Variants in ADAM9 observed in about 807,000 individuals in gnomAD.
The protein encoded by ADAM9 is ADAM metallopeptidase domain 9.
ADAM9 carries 54 observed loss-of-function variants against 108.1 expected under a neutral mutation model. The ratio of observed to expected loss-of-function variants is 0.50; its 90% CI spans 0.40 to 0.63. The LOEUF (loss-of-function observed/expected upper bound fraction) is 0.63. Among genes scored for constraint, ADAM9 ranks in the 20% least tolerant of loss-of-function variants. ADAM9 has a pLI of 0.00. For missense variants in ADAM9, 830 were observed against 997.7 expected (o/e 0.83, Z 2.26); for synonymous variants, 316 against 336.0 (o/e 0.94, Z 0.65).
intron 18 of ADAM9, 113 bp from the exon 19 acceptor site, chr8:39,089,934 T>G: frequency 8.8e-7 from 1 of 1,131,124 alleles, no homozygotes; most frequent in Non-Finnish European, 1.3e-6. Context: ...ATTCAATTAA[T>G]ATCAGTTTGA....
chr8:39,065,982 A>G (rs182862012), intron 14 of ADAM9, among the ~76,000 whole-genome samples: 24 of 152,126 alleles, frequency 1.6e-4, no homozygotes, highest in East Asian at 3.9e-4. Context: ...ATTCCAACCT[A>G]TGAGTGAGAA....
At chr8:39,045,137 T>C (rs1221780956) in intron 12 of ADAM9, among the ~76,000 whole-genome samples, 1 of 111,764 alleles carries the variant, frequency 8.9e-6, no homozygotes, top group Non-Finnish European at 2.0e-5. Flanking sequence ...CATACATACA[T>C]ATATGTGTAT....
Position 39,012,755 on chromosome 8 carries a change from T to C in ADAM9, c.254+1039T>C, listed in dbSNP as rs533891956. On this transcript the variant is annotated intron_variant, in intron 3 of 21. Coordinates refer to ENST00000487273, the MANE Select transcript of ADAM9 (RefSeq NM_003816.3). ...GGTGGGAATTGAACAATGAGAACAC[T>C]TGGACACAGGAAGGGGAACATCACA... 9.3e-4 allele frequency among the ~76,000 whole-genome samples: 142 copies of C among 151,994 alleles called. 3 individuals carry two copies. In the South Asian group the frequency reaches 0.028, roughly 30 times the overall value.
chr8:39,030,665 A>C (rs1271793700), intron 11 of ADAM9, among the ~76,000 whole-genome samples: 2 of 150,824 alleles, frequency 1.3e-5, no homozygotes, highest in Non-Finnish European at 3.0e-5. Context: ...TTTTGTAAGA[A>C]ACTGCCAAAT....
Position 39,025,835 on chromosome 8 carries a change from C to T in ADAM9, c.947C>T (p.Ala316Val). 1 of 1,614,036 alleles carries T rather than the reference C, an allele frequency of 6.2e-7. No individual in the cohort carries two copies. The highest frequency in any genetic ancestry group is 1.1e-5 in the South Asian group (1 of 91,080). The change falls in exon 10 of 22, where the codon GCA becomes GTA. Residue 316 changes from alanine (A) to valine (V), a missense_variant. Around this residue, in one of 3 missense-constraint regions of ADAM9, gnomAD observed 381 missense variants for 539.8 expected, o/e 0.71. Coordinates refer to ENST00000487273, the MANE Select transcript of ADAM9 (RefSeq NM_003816.3). The part of the protein sequence containing the change: ...KKGFGGTAGM[A>V]FVGTVCSRSH... ...GGTTTTGGTGGAACTGCAGGAATGG[C>T]ATTTGTGGGAACAGTGTGTTCAAGG...
intron 14 of ADAM9, among the ~76,000 whole-genome samples, chr8:39,062,401 T>A (rs948671042): frequency 6.6e-6 from 1 of 152,240 alleles, no homozygotes; most frequent in Non-Finnish European, 1.5e-5. Flanking sequence ...CAAATTAGAC[T>A]TTTGTTTACT....
At chr8:39,020,057 G>A (rs1369646611) in intron 7 of ADAM9, among the ~76,000 whole-genome samples, 1 of 152,204 alleles carries the variant, frequency 6.6e-6, no homozygotes, top group African/African-American at 2.4e-5. Flanking sequence ...AGGCCGAGGC[G>A]GGCGGATCAC....
rs371815136 is a variant in ADAM9, at chr8:39,077,262, G to A, written c.1732G>A (p.Val578Ile). Residue 578 changes from valine (V) to isoleucine (I), a missense_variant, in exon 16 of 22, where the codon GTA (valine) becomes ATA (isoleucine). This residue lies in a region of ADAM9 where 381 missense variants were observed against 539.8 expected (regional missense o/e 0.71). Transcript: ENST00000487273. ...ALCGKLQCEN[V>I]QEIPVFGIVP... is the part of the protein sequence containing the mutation. ...GTGTGGAAAGCTTCAGTGTGAGAAT[G>A]TACAAGAGATACCTGTATTTGGAAT... 1 of 1,613,998 alleles carries A rather than the reference G, an allele frequency of 6.2e-7. No homozygotes were observed. The highest frequency in any genetic ancestry group is 1.3e-5 in the African/African-American group (1 of 74,916).
chr8:39,098,802 T>C (rs1460666588), intron 20 of ADAM9, among the ~76,000 whole-genome samples: 3 of 152,198 alleles, frequency 2.0e-5, no homozygotes, highest in African/African-American at 4.8e-5. Flanking sequence ...GCCCTTGTGA[T>C]GTTGATTGTA....
intron 20 of ADAM9, among the ~76,000 whole-genome samples, chr8:39,100,487 C>T (rs1377695497): frequency 1.3e-5 from 2 of 148,896 alleles, no homozygotes; most frequent in South Asian, 4.3e-4. Flanking sequence ...AGCCAGACTC[C>T]GTCTCAAAAA....
chr8:39,045,133 TAC>T (rs1240128047), intron 12 of ADAM9, among the ~76,000 whole-genome samples: 1 of 112,968 alleles, frequency 8.9e-6, no homozygotes, highest in Non-Finnish European at 2.0e-5. Context: ...TGTGCATACA[TAC>T]ATATATGTGT....
At chr8:39,068,112 C>CT (rs1838548295) in intron 14 of ADAM9, among the ~76,000 whole-genome samples, 2 of 152,138 alleles carry the variant, frequency 1.3e-5, no homozygotes, top group African/African-American at 4.8e-5. Flanking sequence ...TTCATATTAC[C>CT]TTTTTTCTTT....
At chr8:39,047,230 A>G (rs1450976623) in intron 12 of ADAM9, among the ~76,000 whole-genome samples, 1 of 152,084 alleles carries the variant, frequency 6.6e-6, no homozygotes, top group Non-Finnish European at 1.5e-5. Context: ...TTGCATCTGT[A>G]TTTGTTTGGC....
At chr8:39,051,002 C>T (rs1461896458) in intron 12 of ADAM9, among the ~76,000 whole-genome samples, 1 of 152,072 alleles carries the variant, frequency 6.6e-6, no homozygotes, top group Non-Finnish European at 1.5e-5. Flanking sequence ...AAGCCAATTT[C>T]TTGGGTAGCT....
intron 6 of ADAM9, 137 bp from the exon 7 acceptor site, chr8:39,018,716 C>A: frequency 2.5e-6 from 2 of 798,766 alleles, no homozygotes; most frequent in Non-Finnish European, 4.2e-6. Flanking sequence ...ATATTTTTCA[C>A]TTTCTTGATA....
intron 14 of ADAM9, among the ~76,000 whole-genome samples, chr8:39,057,682 G>T (rs748311778): frequency 3.6e-4 from 55 of 152,120 alleles, no homozygotes; most frequent in Non-Finnish European, 5.4e-4. Context: ...CCTTCAGGAA[G>T]ACTTTTCTCT....
At chr8:39,102,076 A>C in intron 21 of ADAM9, 146 bp downstream of exon 21, 1 of 744,646 alleles carries the variant, frequency 1.3e-6, no homozygotes, top group Non-Finnish European at 2.3e-6. Flanking sequence ...AAAGGTTTTA[A>C]AATAACTTTA....
Position 39,093,595 on chromosome 8 carries a change from A to G in ADAM9, c.2298+2249A>G, listed in dbSNP as rs1039399234. 3.3e-5 allele frequency among the ~76,000 whole-genome samples: 5 copies of G among 152,116 alleles called. No individual in the cohort carries two copies. The South Asian group carries it at 6.2e-4, about 19-fold the overall frequency. On this transcript the variant is annotated intron_variant, in intron 20 of 21. Coordinates refer to ENST00000487273, the MANE Select transcript of ADAM9 (RefSeq NM_003816.3). Reference sequence around the variant, plus strand: ...GTCTTTTATTTCTTTTTCTTGCCTAACTGCTCTGGTTAGAACTTCTAGTAC... The same window carrying G: ...GTCTTTTATTTCTTTTTCTTGCCTAGCTGCTCTGGTTAGAACTTCTAGTAC...
chr8:39,007,984 G>A lies in ADAM9; in HGVS notation c.195+1G>A. On this transcript the variant is annotated splice_donor_variant, in intron 2 of 21. Transcript: ENST00000487273. LOFTEE classifies it high-confidence loss of function. ...AGCCCCTAGGCCCTATTCAAAACAA[G>A]TAAGTTATAATTGTTGAGAAATAAT... 3 of 1,578,402 alleles carry A rather than the reference G, an allele frequency of 1.9e-6. No homozygotes were observed. Among genetic ancestry groups the A allele is most frequent in the South Asian group, 1.1e-5 (1 of 90,328 alleles).
Sources: allele counts gnomAD v4.1 joint callset (sites outside exome capture counted in the v4.1 genomes callset), GRCh38; gene constraint gnomAD v4.1.1; regional missense constraint gnomAD v4.1.1; transcripts MANE v1.5; gene names NCBI Gene and HGNC (gene_info 2026-07-23, HGNC 2026-07-21).